Variants in GRIN2A observed in about 807,000 individuals in gnomAD.
The protein encoded by GRIN2A is glutamate ionotropic receptor NMDA type subunit 2A.
GRIN2A carries 22 observed loss-of-function variants against 113.4 expected under a neutral mutation model. The observed-to-expected ratio is 0.19, with a 90% CI of 0.14 to 0.28. The LOEUF (loss-of-function observed/expected upper bound fraction) is 0.28. GRIN2A is among the 10% of genes least tolerant of loss of function. GRIN2A has a pLI of 1.00. For synonymous variants in GRIN2A, 827 were observed against 738.4 expected, an observed-to-expected ratio of 1.12 and a Z score of -1.94; for missense variants, 1,502 against 1,887.0, an observed-to-expected ratio of 0.80 and a Z score of 3.78.
chr16:10,088,550 G>A (rs1406625490), intron 2 of GRIN2A, among the ~76,000 whole-genome samples: 6 of 152,198 alleles, frequency 3.9e-5, no homozygotes, highest in Admixed American at 6.5e-5. Context: ...TCCTGGGGCC[G>A]CGGGCTGTCT....
At chr16:10,111,018 T>C (rs1199186205) in intron 2 of GRIN2A, among the ~76,000 whole-genome samples, 1 of 152,200 alleles carries the variant, frequency 6.6e-6, no homozygotes, top group African/African-American at 2.4e-5. Context: ...AGCTAGTATA[T>C]CAGCTCGACC....
intron 2 of GRIN2A, among the ~76,000 whole-genome samples, chr16:10,098,913 C>A (rs1263438494): frequency 1.3e-5 from 2 of 151,354 alleles, no homozygotes; most frequent in East Asian, 3.9e-4. Flanking sequence ...CTCATGTAAC[C>A]AAATACCTAC....
chr16:10,096,573 C>CACACACACACACACACAT (rs1555478915), intron 2 of GRIN2A, among the ~76,000 whole-genome samples: 1 of 149,266 alleles, frequency 6.7e-6, no homozygotes, highest in African/African-American at 2.5e-5. Flanking sequence ...CACACACACA[C>CACACACACACACACACAT]TTTACTCTCT....
intron 2 of GRIN2A, among the ~76,000 whole-genome samples, chr16:9,975,045 A>G (rs2045748165): frequency 6.6e-6 from 1 of 152,234 alleles, no homozygotes; most frequent in Non-Finnish European, 1.5e-5. Context: ...ATAGAAGGAA[A>G]TAGTTTAAAT....
intron 2 of GRIN2A, among the ~76,000 whole-genome samples, chr16:10,139,040 T>C (rs1411556027): frequency 6.6e-6 from 1 of 152,220 alleles, no homozygotes; most frequent in Non-Finnish European, 1.5e-5. Context: ...TTGGCCCAGT[T>C]GCCGAAGACC....
chr16:9,980,894 T>C (rs1485642700), intron 2 of GRIN2A, among the ~76,000 whole-genome samples: 3 of 150,732 alleles, frequency 2.0e-5, no homozygotes, highest in East Asian at 2.0e-4. Context: ...TGCTAAATGA[T>C]GAGTTAATGG....
intron 3 of GRIN2A, among the ~76,000 whole-genome samples, chr16:9,898,054 C>CTTTTTTTTTTTTTT (rs71402414): frequency 9.1e-6 from 1 of 109,722 alleles, no homozygotes. Context: ...CCTCCATTTC[C>CTTTTTTTTTTTTTT]TTTTTTTTTT....
chr16:9,896,779 A>G (rs980686761), intron 3 of GRIN2A, among the ~76,000 whole-genome samples: 6 of 152,248 alleles, frequency 3.9e-5, no homozygotes, highest in East Asian at 1.9e-4. Context: ...CCCCCACCCA[A>G]TTTCTAGGAA....
In GRIN2A at chr16:10,042,448, C is replaced by T. The variant is rs1413111082; in HGVS notation, c.415-103897G>A. On this transcript the variant is annotated intron_variant, in intron 2 of 12. Transcript: ENST00000330684. The stretch of plus-strand genomic sequence containing the variant: ...GCCAGCAGCCTCGGAAACAAGCCAT[C>T]CATGCCAGCCAGTCCTCCAGCCTCA... Among the ~76,000 whole-genome samples the T allele has an allele frequency of 3.3e-5, 5 of 152,246 alleles. No individual in the cohort carries two copies. The South Asian group carries it at 1.0e-3, about 32-fold the overall frequency.
At chr16:9,866,160 A>G (rs2043157157) in intron 4 of GRIN2A, among the ~76,000 whole-genome samples, 1 of 152,242 alleles carries the variant, frequency 6.6e-6, no homozygotes, top group South Asian at 2.1e-4. Context: ...TGCCCTCTGA[A>G]TTAATCATAC....
chr16:9,869,019 C>A (rs972323474), intron 4 of GRIN2A, among the ~76,000 whole-genome samples: 1 of 152,142 alleles, frequency 6.6e-6, no homozygotes, highest in Non-Finnish European at 1.5e-5. Flanking sequence ...TAGTGTGAGA[C>A]CTGCACACTC....
At chr16:10,049,164 A>G (rs945139890) in intron 2 of GRIN2A, among the ~76,000 whole-genome samples, 7 of 152,338 alleles carry the variant, frequency 4.6e-5, no homozygotes, top group South Asian at 2.1e-4. Flanking sequence ...ATTTCAATGA[A>G]TGATACCACC....
chr16:10,060,046 C>G (rs1419596040), intron 2 of GRIN2A, among the ~76,000 whole-genome samples: 1 of 152,244 alleles, frequency 6.6e-6, no homozygotes, highest in East Asian at 1.9e-4. Context: ...CAGCAGGGAC[C>G]ACCTGATAGG....
intron 2 of GRIN2A, among the ~76,000 whole-genome samples, chr16:10,118,057 T>A (rs1399996165): frequency 6.6e-6 from 1 of 152,162 alleles, no homozygotes; most frequent in African/African-American, 2.4e-5. Context: ...GGAGCCCCTC[T>A]TCCTTCTGAG....
intron 2 of GRIN2A, among the ~76,000 whole-genome samples, chr16:9,999,611 G>C (rs1477787246): frequency 6.6e-6 from 1 of 152,014 alleles, no homozygotes; most frequent in East Asian, 1.9e-4. Flanking sequence ...GCTAGGGGAG[G>C]GATAGCATTA....
intron 2 of GRIN2A, among the ~76,000 whole-genome samples, chr16:10,046,308 A>G (rs1449769729): frequency 6.7e-6 from 1 of 148,396 alleles, no homozygotes; most frequent in Admixed American, 6.9e-5. Context: ...ATAAAAAAGG[A>G]TGAAATACAT....
At chr16:9,921,173 T>A (rs554200600) in intron 3 of GRIN2A, among the ~76,000 whole-genome samples, 1 of 152,344 alleles carries the variant, frequency 6.6e-6, no homozygotes, top group South Asian at 2.1e-4. Flanking sequence ...TAGATCCCTG[T>A]GCTAATGACA....
At position 9,778,041 on chromosome 16, in the gene GRIN2A, G is replaced by A. The variant is rs150135794; in HGVS notation, c.2357-8952C>T. On this transcript the variant is annotated intron_variant, in intron 11 of 12. Transcript: ENST00000330684. ...GATCGCGCCATTGCACTCCAGCCTGGGCAACAAGAGTGAAACTGTCTCAAA... is the reference window on the plus strand; with the variant it reads ...GATCGCGCCATTGCACTCCAGCCTGAGCAACAAGAGTGAAACTGTCTCAAA... 3.3e-5 allele frequency among the ~76,000 whole-genome samples: 5 copies of A among 152,234 alleles called. No homozygotes were observed. In the East Asian group the frequency reaches 9.7e-4, roughly 29 times the overall value.
chr16:10,016,789 G>A (rs1259831708), intron 2 of GRIN2A, among the ~76,000 whole-genome samples: 6 of 152,270 alleles, frequency 3.9e-5, no homozygotes, highest in African/African-American at 7.2e-5. Context: ...TCGCACAAGG[G>A]CACCATCCCA....
Sources: gnomAD v4.1 joint callset for allele counts (sites outside exome capture counted in the v4.1 genomes callset) on GRCh38, gnomAD v4.1.1 for gene constraint, MANE v1.5 for transcripts, NCBI Gene and HGNC (gene_info 2026-07-23, HGNC 2026-07-21) for gene names.